Variants in PDE4D observed in about 807,000 individuals in gnomAD.
PDE4D encodes the protein 3',5'-cyclic-AMP phosphodiesterase 4D.
Under a neutral mutation model 87.4 loss-of-function variants are expected in PDE4D, and 24 were observed. The ratio of observed to expected loss-of-function variants is 0.27; its 90% CI spans 0.20 to 0.39. The LOEUF (loss-of-function observed/expected upper bound fraction) is 0.39. Ranked by LOEUF, PDE4D falls within the 10% of genes least tolerant of loss-of-function variation. The probability of loss-of-function intolerance (pLI) is 1.00; values close to 1 mark genes in which losing one functional copy is unlikely to be tolerated. For synonymous variants in PDE4D, 384 were observed against 383.2 expected (o/e 1.00, Z -0.02); for missense variants, 714 against 1,041.0 (o/e 0.69, Z 4.32).
chr5:60,274,648 A>T (rs1751185443), intron 1 of PDE4D, among the ~76,000 whole-genome samples: 1 of 152,194 alleles, frequency 6.6e-6, no homozygotes, highest in South Asian at 2.1e-4. Context: ...GGCATGAGCC[A>T]CCATGTCCAG....
intron 1 of PDE4D, among the ~76,000 whole-genome samples, chr5:59,338,610 G>C (rs2153580651): frequency 6.6e-6 from 1 of 152,290 alleles, no homozygotes; most frequent in Non-Finnish European, 1.5e-5. Flanking sequence ...GTTTCTTTCT[G>C]TGAGGAAGGC....
At chr5:60,022,542 G>C (rs1766177479) in intron 2 of PDE4D, 1 of 152,008 alleles carries the variant, frequency 6.6e-6, no homozygotes, top group African/African-American at 2.4e-5. Context: ...TTCTATTACA[G>C]ACAGGGATAT....
intron 1 of PDE4D, among the ~76,000 whole-genome samples, chr5:59,530,215 C>G (rs1172399002): frequency 6.6e-6 from 1 of 152,068 alleles, no homozygotes; most frequent in Non-Finnish European, 1.5e-5. Flanking sequence ...TCTATTGACA[C>G]AGATCATAAA....
At chr5:59,149,645 C>T (rs1457784792) in intron 5 of PDE4D, among the ~76,000 whole-genome samples, 1 of 146,116 alleles carries the variant, frequency 6.8e-6, no homozygotes, top group East Asian at 2.0e-4. Context: ...GCTGGTTCTC[C>T]GTGGTTATAT....
intron 5 of PDE4D, among the ~76,000 whole-genome samples, chr5:59,078,917 G>T (rs1031291530): frequency 6.6e-6 from 1 of 152,074 alleles, no homozygotes; most frequent in South Asian, 2.1e-4. Flanking sequence ...AGAGTGAGAC[G>T]TTTGGTCCCC....
chr5:59,215,525 A>G (rs1223739645), intron 2 of PDE4D: 2 of 387,818 alleles, frequency 5.2e-6, no homozygotes, highest in Non-Finnish European at 4.6e-6. Flanking sequence ...TTTCCTATAA[A>G]GTATTTTCTG....
chr5:59,793,175 A>C, intron 1 of PDE4D, among the ~76,000 whole-genome samples: 1 of 152,220 alleles, frequency 6.6e-6, no homozygotes, highest in African/African-American at 2.4e-5. Context: ...CAACACACTC[A>C]GAGGCAGAAT....
chr5:60,200,222 A>G (rs570205142), intron 1 of PDE4D, among the ~76,000 whole-genome samples: 1 of 151,780 alleles, frequency 6.6e-6, no homozygotes, highest in East Asian at 1.9e-4. Context: ...TTTAATATCC[A>G]ATTTGCAGAT....
intron 1 of PDE4D, among the ~76,000 whole-genome samples, chr5:59,602,971 C>A (rs1231980860): frequency 5.9e-5 from 9 of 152,050 alleles, no homozygotes; most frequent in Non-Finnish European, 5.9e-5. Flanking sequence ...GCTGGGAAAA[C>A]TGTATATCCA....
intron 1 of PDE4D, among the ~76,000 whole-genome samples, chr5:60,229,099 C>T (rs1410802733): frequency 6.6e-6 from 1 of 152,054 alleles, no homozygotes; most frequent in East Asian, 1.9e-4. Context: ...TATCAATATT[C>T]TCTTCTTTCT....
At chr5:60,150,441 G>T (rs952353880) in intron 2 of PDE4D, among the ~76,000 whole-genome samples, 1 of 151,972 alleles carries the variant, frequency 6.6e-6, no homozygotes. Context: ...GACTTTTTAT[G>T]TATTATCATT....
chr5:60,253,875 A>G (rs1309938205), intron 1 of PDE4D, among the ~76,000 whole-genome samples: 2 of 151,916 alleles, frequency 1.3e-5, no homozygotes, highest in African/African-American at 2.4e-5. Context: ...ATTGGGACAG[A>G]GTAAAGGGAA....
intron 1 of PDE4D, among the ~76,000 whole-genome samples, chr5:60,476,916 A>G (rs966126376): frequency 6.6e-6 from 1 of 152,172 alleles, no homozygotes; most frequent in African/African-American, 2.4e-5. Context: ...TTAGATTATA[A>G]ACTCTAGGAT....
At chr5:60,371,333 C>T (rs1203204467) in intron 1 of PDE4D, among the ~76,000 whole-genome samples, 5 of 152,212 alleles carry the variant, frequency 3.3e-5, no homozygotes, top group African/African-American at 1.2e-4. Context: ...GCTCCCCGTT[C>T]AGTCCGCCAT....
intron 4 of PDE4D, among the ~76,000 whole-genome samples, chr5:59,184,487 TG>T (rs535927443): frequency 1.1e-3 from 173 of 152,278 alleles, no homozygotes; most frequent in African/African-American, 3.8e-3. Flanking sequence ...ATGATTTAAA[TG>T]TTTTTTTTCC....
chr5:59,476,250 G>A (rs1264184334), intron 1 of PDE4D, among the ~76,000 whole-genome samples: 1 of 152,032 alleles, frequency 6.6e-6, no homozygotes, highest in Non-Finnish European at 1.5e-5. Flanking sequence ...CTTATGTGAT[G>A]TGGTGGGAGG....
At chr5:59,299,971 G>C (rs1024296468) in intron 1 of PDE4D, among the ~76,000 whole-genome samples, 26 of 152,046 alleles carry the variant, frequency 1.7e-4, no homozygotes, top group African/African-American at 5.8e-4. Flanking sequence ...AATTAGCCAG[G>C]CGTGGTGTCC....
chr5:60,190,974 C>T (rs921484439), intron 1 of PDE4D, among the ~76,000 whole-genome samples: 1 of 152,194 alleles, frequency 6.6e-6, no homozygotes, highest in African/African-American at 2.4e-5. Flanking sequence ...ACCCTCCAGG[C>T]TGGTCTCATC....
At chr5:59,408,354 G>A (rs1200488427) in intron 1 of PDE4D, among the ~76,000 whole-genome samples, 1 of 152,166 alleles carries the variant, frequency 6.6e-6, no homozygotes, top group Non-Finnish European at 1.5e-5. Flanking sequence ...TAGAAAGAAT[G>A]GAAAGAGTGA....
Sources: allele counts gnomAD v4.1 joint callset (sites outside exome capture counted in the v4.1 genomes callset), GRCh38; gene constraint gnomAD v4.1.1; transcripts MANE v1.5; gene names NCBI Gene and HGNC (gene_info 2026-07-23, HGNC 2026-07-21).